The following UCP3 variants were observed in gnomAD, a reference collection of about 807,000 sequenced individuals.
UCP3 encodes uncoupling protein 3.
Under a neutral mutation model 28.1 loss-of-function variants are expected in UCP3, and 24 were observed. The ratio of observed to expected loss-of-function variants is 0.85; its 90% confidence interval spans 0.62 to 1.20. UCP3 has a LOEUF of 1.20. Ranked by LOEUF, UCP3 falls within the 50% of genes most tolerant of loss-of-function variation. The pLI, the probability that UCP3 is intolerant of heterozygous loss-of-function variation, is 0.00. For missense variants in UCP3, 397 were observed against 422.2 expected (o/e 0.94, Z 0.52); for synonymous variants, 184 against 171.2 (o/e 1.07, Z -0.59).
intron 6 of UCP3, chr11:74,003,098 A>G (rs1427196229): frequency 6.5e-6 from 2 of 305,668 alleles, no homozygotes; most frequent in Non-Finnish European, 9.6e-6. Flanking sequence ...TAACGTGTGT[A>G]AAGTGCTCAG....
intron 6 of UCP3, chr11:74,003,079 C>T (rs1591234152): frequency 7.1e-6 from 3 of 423,070 alleles, no homozygotes; most frequent in East Asian, 1.6e-4. Context: ...GTTCAAGGGG[C>T]TGTTGGGATA....
intron 6 of UCP3, chr11:74,003,553 A>G (rs2135386445): frequency 8.6e-7 from 1 of 1,167,840 alleles, no homozygotes. Flanking sequence ...CAGGAGGTCC[A>G]GGAGGTCTCA....
intron 2 of UCP3, among the ~76,000 whole-genome samples, 156 bp from the exon 3 acceptor site, chr11:74,006,535 C>T (rs936838073): frequency 1.3e-5 from 2 of 152,206 alleles, no homozygotes; most frequent in Non-Finnish European, 2.9e-5. Context: ...AGCATTTTAC[C>T]ATTCACAAAG....
At chr11:74,002,702 A>G (rs1951630452) in intron 6 of UCP3, 3 of 966,312 alleles carry the variant, frequency 3.1e-6, no homozygotes, top group South Asian at 4.8e-5. Context: ...GAAAGCAGTA[A>G]CTGAGACAAG....
chr11:74,002,437 C>T (rs780518263), intron 6 of UCP3, among the ~76,000 whole-genome samples: 1 of 152,188 alleles, frequency 6.6e-6, no homozygotes, highest in Non-Finnish European at 1.5e-5. Context: ...CTCCCAGTTT[C>T]TAGCTTTACA....
intron 6 of UCP3, 178 bp downstream of exon 6, chr11:74,003,639 TAACCCTCCCC>T: frequency 7.0e-7 from 1 of 1,420,314 alleles, no homozygotes; most frequent in African/African-American, 1.4e-5. Context: ...CAGGCTTCCC[TAACCCTCCCC>T]ATCAGGTATG....
At chr11:74,004,694 C>T in intron 4 of UCP3, 109 bp from the exon 5 acceptor site, 1 of 954,342 alleles carries the variant, frequency 1.0e-6, no homozygotes, top group Non-Finnish European at 1.6e-6. Flanking sequence ...GTTTTGGGGC[C>T]ATAGTGCCCC....
intron 2 of UCP3, 85 bp downstream of exon 2, chr11:74,006,832 A>T: frequency 6.2e-7 from 1 of 1,604,650 alleles, no homozygotes. Context: ...GAGGAAGGGC[A>T]TGTGGGCACA....
chr11:74,008,792 C>T (rs939370030), intron 1 of UCP3, among the ~76,000 whole-genome samples, 186 bp downstream of exon 1: 2 of 152,204 alleles, frequency 1.3e-5, no homozygotes, highest in South Asian at 4.1e-4. Context: ...CCACAGTACC[C>T]TCATCAAGGC....
rs374496829 is a variant in UCP3 at position 74,000,951 on chromosome 11, G to A, written c.*461C>T. On this transcript the variant is annotated 3_prime_UTR_variant, in exon 7 of 7. Transcript: ENST00000314032. ...CATGTGTGATGGTGCAGCTGCAGTC[G>A]CCAGCTCTGTGTTGCTGGGTGGCAT... is the stretch of plus-strand genomic sequence containing the variant. 31 of 191,674 alleles carry A rather than the reference G, an allele frequency of 1.6e-4. No individual in the cohort carries two copies. In the East Asian group the frequency reaches 3.0e-3, roughly 19 times the overall value. 11.9% of individuals were successfully genotyped at this position (191,674 alleles called of 1,614,324 possible).
chr11:74,005,962 G>T (rs1288771008), intron 3 of UCP3, 29 bp from the exon 4 acceptor site: 1 of 1,612,446 alleles, frequency 6.2e-7, no homozygotes. Flanking sequence ...GTGGGCCAGT[G>T]TCCCCTACTA....
rs1282796515 is a variant in UCP3 at position 74,005,735 on chromosome 11, C to A, written c.536G>T (p.Trp179Leu). 1 of 1,613,994 alleles carries A rather than the reference C, an allele frequency of 6.2e-7. No individual in the cohort carries two copies. Among genetic ancestry groups the A allele is most frequent in the Non-Finnish European group, 8.5e-7 (1 of 1,180,036 alleles). Residue 179 changes from tryptophan (W) to leucine (L), a missense_variant, in exon 4 of 7, where the codon TGG becomes TTG. Physicochemically the swap from Trp to Leu is moderately conservative, Grantham distance 61. Transcript: ENST00000314032. ...CGTCCAGAGTCCAGACCTACCTTTC[C>A]ACAGGCCCCTGACTCCTTCCTCCCT... ...IAREEGVRGLWKGTLPNIMRN... is the reference protein window; with the variant it reads ...IAREEGVRGLLKGTLPNIMRN...
rs1040688403 is a variant in UCP3, at chr11:74,003,395, A to T, written c.824+432T>A. ...GTGTTAGGGAGGAGGTGGCATTTGA[A>T]CTCGTCTTGAAGGATGGCTAAAATT... is the stretch of plus-strand genomic sequence containing the variant. On this transcript the variant is annotated intron_variant, in intron 6 of 6. Coordinates refer to ENST00000314032, the MANE Select transcript of UCP3 (RefSeq NM_003356.4). 5.2e-6 allele frequency: 5 copies of T among 954,606 alleles called. No homozygotes were observed. In the African/African-American group the frequency reaches 8.8e-5, roughly 17 times the overall value. 59.1% of individuals were successfully genotyped at this position (954,606 alleles called of 1,614,324 possible). A position where few individuals can be genotyped will look rare whatever the true frequency, so the allele number is the denominator to read the frequency against.
intron 6 of UCP3, chr11:74,001,870 G>T: frequency 6.1e-6 from 2 of 325,390 alleles, no homozygotes; most frequent in South Asian, 5.6e-5. Flanking sequence ...CCCGCGGCTA[G>T]TAAGTGTCAG....
At chr11:74,004,835 C>A (rs1257007667) in intron 4 of UCP3, among the ~76,000 whole-genome samples, 1 of 152,218 alleles carries the variant, frequency 6.6e-6, no homozygotes, top group Non-Finnish European at 1.5e-5. Flanking sequence ...CACTTGTGTT[C>A]ATTTGGCCAC....
At chr11:74,004,645 G>C in intron 4 of UCP3, 60 bp from the exon 5 acceptor site, 1 of 1,508,394 alleles carries the variant, frequency 6.6e-7, no homozygotes, top group Admixed American at 1.7e-5. Context: ...ATGGGAAATG[G>C]GAGAAATGGA....
Position 74,001,351 on chromosome 11 carries a change from GT to G in UCP3, c.*60del. On this transcript the variant is annotated 3_prime_UTR_variant, in exon 7 of 7. Transcript: ENST00000314032. ...GTGTCCATGTGTGCGTGGATGCACCGTTTTCTTCCATTCTTAACTGGTTTCG... is the reference window on the plus strand; with the variant it reads ...GTGTCCATGTGTGCGTGGATGCACCGTTTCTTCCATTCTTAACTGGTTTCG... 6.6e-7 allele frequency: 1 copy of G among 1,525,106 alleles called. No homozygotes were observed. The highest frequency in any genetic ancestry group is 9.1e-7 in the Non-Finnish European group (1 of 1,100,266). The allele number at this position is 1,525,106 out of a possible 1,614,324, so 94.5% of individuals were successfully genotyped here. A position where few individuals can be genotyped will look rare whatever the true frequency, so the allele number is the denominator to read the frequency against.
rs773117397 is a variant in UCP3, at chr11:74,005,906, G to A, written c.365C>T (p.Ala122Val). Reference protein sequence around the residue: ...DNSSLTTRILAGCTTGAMAVT... With the variant: ...DNSSLTTRILVGCTTGAMAVT... ...CGCCATGGCTCCTGTGGTGCAGCCGGCCAAAATCCGGGTAGTGAGGCTGGA... is the reference window on the plus strand; with the variant it reads ...CGCCATGGCTCCTGTGGTGCAGCCGACCAAAATCCGGGTAGTGAGGCTGGA... Residue 122 changes from alanine to valine, a missense_variant, in exon 4 of 7, where the codon GCC becomes GTC. Ala to Val is a moderately conservative substitution (Grantham distance 64). Coordinates refer to ENST00000314032, the MANE Select transcript of UCP3 (RefSeq NM_003356.4). The A allele has an allele frequency of 1.6e-5, 26 of 1,614,018 alleles. No individual in the cohort carries two copies. The South Asian group carries it at 2.4e-4, about 15-fold the overall frequency.
intron 6 of UCP3, chr11:74,003,014 C>G (rs1447648687): frequency 1.1e-6 from 1 of 897,846 alleles, no homozygotes; most frequent in African/African-American, 1.8e-5. Context: ...GGATAAGTTA[C>G]TTAACTTTTC....
Sources: gnomAD v4.1 joint callset for allele counts (sites outside exome capture counted in the v4.1 genomes callset) on GRCh38, gnomAD v4.1.1 for gene constraint, MANE v1.5 for transcripts, NCBI Gene and HGNC (gene_info 2026-07-23, HGNC 2026-07-21) for gene names.